The following ZNF544 variants were observed in gnomAD, a reference collection of about 807,000 sequenced individuals.
ZNF544 encodes the protein zinc finger protein 544.
ZNF544 carries 10 observed loss-of-function variants against 13.5 expected under a neutral mutation model. That is an observed-to-expected ratio of 0.74 (90% confidence interval 0.46 to 1.25). The LOEUF is 1.25. ZNF544 is among the 50% of genes most tolerant of loss of function. The probability of loss-of-function intolerance (pLI) is 0.00; values close to 1 mark genes in which losing one functional copy is unlikely to be tolerated. For synonymous variants in ZNF544, 323 were observed against 300.5 expected (o/e 1.07, Z -0.77); for missense variants, 896 against 845.6 (o/e 1.06, Z -0.74).
At chr19:58,272,979 C>T (rs12984197) in intron 5 of ZNF544, among the ~76,000 whole-genome samples, 51,243 of 151,350 alleles carry the variant, frequency 0.34, 9,458 homozygotes, top group Middle Eastern at 0.48. Context: ...TTCAGGAAAT[C>T]GAGACCATCC....
chr19:58,249,293 A>G (rs1299194895), intron 6 of ZNF544, among the ~76,000 whole-genome samples: 1 of 152,114 alleles, frequency 6.6e-6, no homozygotes. Context: ...TAACTGCTTT[A>G]TGCTGACCTG....
chr19:58,266,414 C>CTGAGGCAGGAGAATGGCA (rs1427726741), downstream of ZNF544, among the ~76,000 whole-genome samples: 6 of 145,244 alleles, frequency 4.1e-5, no homozygotes, highest in Non-Finnish European at 8.9e-5. Flanking sequence ...ACGAGGGAGG[C>CTGAGGCAGGAGAATGGCA]TGAGGCAGGA....
intron 3 of ZNF544, among the ~76,000 whole-genome samples, chr19:58,240,319 C>CTGA (rs1368780015): frequency 1.3e-5 from 2 of 151,518 alleles, no homozygotes; most frequent in Admixed American, 1.3e-4. Flanking sequence ...GTGCAGTGGC[C>CTGA]TGATCTCTGC....
intron 3 of ZNF544, among the ~76,000 whole-genome samples, chr19:58,238,489 G>A (rs570728250): frequency 1.3e-5 from 2 of 152,296 alleles, no homozygotes; most frequent in South Asian, 4.1e-4. Flanking sequence ...CCTGGAAGAC[G>A]GGGACACAGG....
At chr19:58,254,098 C>T (rs534865662) in intron 6 of ZNF544, among the ~76,000 whole-genome samples, 85 of 152,194 alleles carry the variant, frequency 5.6e-4, no homozygotes, top group African/African-American at 2.0e-3. Context: ...GTGGCGGGCA[C>T]CTGTAGTCCC....
downstream of ZNF544, among the ~76,000 whole-genome samples, chr19:58,268,117 T>C (rs138495193): frequency 7.5e-3 from 1,134 of 151,568 alleles, 10 homozygotes; most frequent in African/African-American, 0.021. Context: ...CTGACCAACA[T>C]GGAGAAACCC....
rs761326465 is a variant in ZNF544, at chr19:58,260,853, T to G, written c.247T>G (p.Trp83Gly). 6.3e-7 allele frequency: 1 copy of G among 1,579,722 alleles called. No individual in the cohort carries two copies. Among genetic ancestry groups the G allele is most frequent in the Non-Finnish European group, 8.6e-7 (1 of 1,163,552 alleles). The part of the protein sequence containing the change: ...CRAEQEAPRD[W>G]KATLEENRLN... ...TAGGCATTTTGGATTTCTTTCAGAC[T>G]GGAAAGCTACCCTTGAGGAGAATAG... Residue 83 changes from tryptophan to glycine, a missense_variant and splice_region_variant, in exon 7 of 7, where the codon TGG (tryptophan) becomes GGG (glycine). Coordinates refer to ENST00000687789, the MANE Select transcript of ZNF544 (RefSeq NM_014480.4).
chr19:58,263,450 A>G lies in ZNF544; in HGVS notation c.*696A>G. The G allele has an allele frequency of 1.0e-6, 1 of 985,234 alleles. No individual in the cohort carries two copies. The highest frequency in any genetic ancestry group is 1.2e-6 in the Non-Finnish European group (1 of 829,914). The allele number at this position is 985,234 out of a possible 1,614,324, so 61.0% of individuals were successfully genotyped here. ...CACCGCTGCCTTGTGAGAGATTGAG[A>G]CACTCTAAATAAATAATAACCAAGA... On this transcript the variant is annotated 3_prime_UTR_variant, in exon 7 of 7. Coordinates refer to ENST00000687789, the MANE Select transcript of ZNF544 (RefSeq NM_014480.4).
rs573174822 is a variant in ZNF544 at position 58,262,941 on chromosome 19, A to G, written c.*187A>G. Reference sequence around the variant, plus strand: ...TGCATTGATTGTGGGAAAGCCTTCAATGATCGCTCAACCCTTAGTAAACAC... The same window carrying G: ...TGCATTGATTGTGGGAAAGCCTTCAGTGATCGCTCAACCCTTAGTAAACAC... On this transcript the variant is annotated 3_prime_UTR_variant, in exon 7 of 7. Transcript: ENST00000687789. 30 of 1,419,726 alleles carry G rather than the reference A, an allele frequency of 2.1e-5. No individual in the cohort carries two copies. The highest frequency in any genetic ancestry group is 3.1e-5 in the South Asian group (2 of 64,682). 87.9% of individuals were successfully genotyped at this position (1,419,726 alleles called of 1,614,324 possible). A position where few individuals can be genotyped will look rare whatever the true frequency, so the allele number is the denominator to read the frequency against.
intron 5 of ZNF544, among the ~76,000 whole-genome samples, chr19:58,275,384 A>G (rs1239017277): frequency 6.6e-6 from 1 of 152,036 alleles, no homozygotes; most frequent in African/African-American, 2.4e-5. Flanking sequence ...CATTATTATT[A>G]TGAATTTAGT....
chr19:58,254,864 C>CTT (rs557178874), intron 6 of ZNF544, among the ~76,000 whole-genome samples: 3 of 139,016 alleles, frequency 2.2e-5, no homozygotes, highest in African/African-American at 5.3e-5. Flanking sequence ...TTCTTTCTTT[C>CTT]TTTTTTTTTT....
intron 6 of ZNF544, among the ~76,000 whole-genome samples, chr19:58,252,308 G>A (rs1273986793): frequency 6.6e-6 from 1 of 151,970 alleles, no homozygotes; most frequent in African/African-American, 2.4e-5. Context: ...TCCTTTTCAC[G>A]ACTTACACAG....
downstream of ZNF544, among the ~76,000 whole-genome samples, chr19:58,268,236 T>C (rs889202449): frequency 1.3e-5 from 2 of 152,054 alleles, no homozygotes; most frequent in African/African-American, 2.4e-5. Context: ...GAGGTGGAGA[T>C]TGCAGTGAGC....
chr19:58,240,685 C>A (rs1419049699), intron 3 of ZNF544, among the ~76,000 whole-genome samples: 1 of 151,754 alleles, frequency 6.6e-6, no homozygotes, highest in African/African-American at 2.4e-5. Context: ...TCGCTTGAAC[C>A]TGGGAGGCGG....
downstream of ZNF544, among the ~76,000 whole-genome samples, chr19:58,268,366 A>G (rs2050199721): frequency 6.6e-6 from 1 of 152,236 alleles, no homozygotes; most frequent in Non-Finnish European, 1.5e-5. Context: ...GAACCAGAAC[A>G]GGCTCTTTGA....
intron 4 of ZNF544, chr19:58,246,012 C>G: frequency 2.5e-6 from 1 of 397,830 alleles, no homozygotes; most frequent in Admixed American, 3.6e-5. Flanking sequence ...GCTGGTAAGT[C>G]CAAGATCAAT....
At chr19:58,267,873 C>T (rs1410400274), downstream of ZNF544, among the ~76,000 whole-genome samples, 24 of 149,286 alleles carry the variant, frequency 1.6e-4, no homozygotes, top group Admixed American at 4.7e-4. Context: ...CCCAGCTACT[C>T]GGGAGGCTGA....
At chr19:58,260,810 G>T in intron 6 of ZNF544, 41 bp from the exon 7 acceptor site, 20 of 1,476,080 alleles carry the variant, frequency 1.4e-5, no homozygotes, top group Non-Finnish European at 1.4e-5. Context: ...CTCCCCCTCT[G>T]ATGCTTCTCC....
intron 6 of ZNF544, among the ~76,000 whole-genome samples, chr19:58,249,318 C>T (rs1186754408): frequency 6.6e-5 from 10 of 152,160 alleles, no homozygotes; most frequent in African/African-American, 1.9e-4. Context: ...ACAGTCCCTA[C>T]GTACTGGGGA....
Sources: gnomAD v4.1 joint callset for allele counts (sites outside exome capture counted in the v4.1 genomes callset) on GRCh38, gnomAD v4.1.1 for gene constraint, MANE v1.5 for transcripts, NCBI Gene and HGNC (gene_info 2026-07-23, HGNC 2026-07-21) for gene names.